HHAT: variants seen among roughly 807,000 people sequenced by gnomAD.
HHAT encodes protein-cysteine N-palmitoyltransferase HHAT.
Under a neutral mutation model 70.8 loss-of-function variants are expected in HHAT, and 47 were observed. The ratio of observed to expected loss-of-function variants is 0.66; its 90% CI spans 0.53 to 0.85. The LOEUF (loss-of-function observed/expected upper bound fraction) is 0.85. HHAT is among the 40% of genes least tolerant of loss of function. The probability of loss-of-function intolerance (pLI) is 0.00; values close to 1 mark genes in which losing one functional copy is unlikely to be tolerated. For synonymous variants in HHAT, 228 were observed against 247.6 expected, an observed-to-expected ratio of 0.92 and a Z score of 0.74; for missense variants, 609 against 604.8, an observed-to-expected ratio of 1.01 and a Z score of -0.07.
intron 4 of HHAT, among the ~76,000 whole-genome samples, chr1:210,395,818 C>T (rs2091750681): frequency 6.6e-6 from 1 of 152,062 alleles, no homozygotes; most frequent in Non-Finnish European, 1.5e-5. Context: ...AGGTTAAATC[C>T]CAAGACTTGG....
At chr1:210,438,051 CA>C (rs2093420589) in intron 7 of HHAT, among the ~76,000 whole-genome samples, 1 of 151,850 alleles carries the variant, frequency 6.6e-6, no homozygotes, top group Non-Finnish European at 1.5e-5. Context: ...CCTCCTCTAC[CA>C]AGTCCTCTTG....
At chr1:210,426,058 C>T (rs2093052375) in intron 7 of HHAT, among the ~76,000 whole-genome samples, 2 of 152,182 alleles carry the variant, frequency 1.3e-5, no homozygotes, top group Admixed American at 6.5e-5. Context: ...CTATCTTTCA[C>T]TTCCCTAGTT....
chr1:210,673,039 C>T (rs561559596), intron 11 of HHAT, among the ~76,000 whole-genome samples: 2 of 152,178 alleles, frequency 1.3e-5, no homozygotes, highest in Non-Finnish European at 2.9e-5. Context: ...GACTTCCTAG[C>T]TAGCCATATT....
chr1:210,597,900 T>G (rs1020692233), intron 10 of HHAT, among the ~76,000 whole-genome samples: 1 of 150,900 alleles, frequency 6.6e-6, no homozygotes, highest in South Asian at 2.1e-4. Context: ...CAGAAGGAGT[T>G]CCCCATAGCT....
chr1:210,620,733 G>A (rs1352631419), intron 10 of HHAT, among the ~76,000 whole-genome samples: 1 of 151,962 alleles, frequency 6.6e-6, no homozygotes, highest in East Asian at 1.9e-4. Flanking sequence ...AACAGGCTGT[G>A]CTTTAACATT....
chr1:210,411,740 T>C (rs961628425), intron 6 of HHAT, among the ~76,000 whole-genome samples: 1 of 152,152 alleles, frequency 6.6e-6, no homozygotes, highest in Non-Finnish European at 1.5e-5. Flanking sequence ...AGTGACACCC[T>C]GTGTCATAAA....
chr1:210,455,727 C>T (rs2093851527), intron 7 of HHAT, among the ~76,000 whole-genome samples: 2 of 152,066 alleles, frequency 1.3e-5, no homozygotes, highest in African/African-American at 4.8e-5. Context: ...CTGGTTTCTC[C>T]ATCCTTAGTT....
chr1:210,581,263 T>A (rs983913956), intron 9 of HHAT, among the ~76,000 whole-genome samples: 20 of 152,234 alleles, frequency 1.3e-4, no homozygotes, highest in African/African-American at 4.8e-4. Context: ...AAACTTTTTA[T>A]AAGTAGATAT....
At chr1:210,538,842 C>T (rs760003605) in intron 9 of HHAT, among the ~76,000 whole-genome samples, 6 of 152,096 alleles carry the variant, frequency 3.9e-5, no homozygotes, top group Admixed American at 6.5e-5. Flanking sequence ...TTTGGGAGGC[C>T]GAGGCAGGTG....
At chr1:210,660,802 CAA>C (rs1007631539) in intron 11 of HHAT, among the ~76,000 whole-genome samples, 1 of 152,110 alleles carries the variant, frequency 6.6e-6, no homozygotes, top group African/African-American at 2.4e-5. Context: ...CCGACAAAAA[CAA>C]GATATAGGGA....
intron 8 of HHAT, among the ~76,000 whole-genome samples, chr1:210,512,794 C>A (rs1192576982): frequency 1.3e-5 from 2 of 151,760 alleles, no homozygotes; most frequent in Non-Finnish European, 2.9e-5. Context: ...GTGGAAGGTA[C>A]CTGGGAGATC....
At chr1:210,668,371 A>G (rs940976945) in intron 11 of HHAT, among the ~76,000 whole-genome samples, 1 of 152,078 alleles carries the variant, frequency 6.6e-6, no homozygotes, top group African/African-American at 2.4e-5. Flanking sequence ...TAGCTCCTCA[A>G]TCCCCATGGT....
chr1:210,396,429 A>G (rs1232453079), intron 4 of HHAT, among the ~76,000 whole-genome samples: 1 of 152,260 alleles, frequency 6.6e-6, no homozygotes, highest in Admixed American at 6.5e-5. Flanking sequence ...GATAGAACAT[A>G]GTAACAGCAC....
At chr1:210,553,580 G>T (rs2095546447) in intron 9 of HHAT, among the ~76,000 whole-genome samples, 1 of 152,214 alleles carries the variant, frequency 6.6e-6, no homozygotes, top group African/African-American at 2.4e-5. Flanking sequence ...CCTCCTGAAG[G>T]TTTCAACCCT....
chr1:210,387,728 T>G, intron 4 of HHAT, 147 bp downstream of exon 4: 1 of 624,516 alleles, frequency 1.6e-6, no homozygotes, highest in Non-Finnish European at 2.8e-6. Flanking sequence ...AATATAACAT[T>G]TAAGATAAAA....
intron 9 of HHAT, among the ~76,000 whole-genome samples, chr1:210,522,884 C>T (rs889036656): frequency 6.6e-6 from 1 of 152,054 alleles, no homozygotes; most frequent in African/African-American, 2.4e-5. Context: ...ACCTTGACTA[C>T]TTATCTGTAA....
intron 11 of HHAT, among the ~76,000 whole-genome samples, chr1:210,656,899 G>T (rs1383942594): frequency 1.3e-5 from 2 of 152,204 alleles, no homozygotes; most frequent in African/African-American, 4.8e-5. Flanking sequence ...GGGGCTGGCT[G>T]CTGGGGTAGA....
intron 7 of HHAT, among the ~76,000 whole-genome samples, chr1:210,429,771 C>CA (rs2093189029): frequency 1.3e-5 from 2 of 151,782 alleles, no homozygotes; most frequent in East Asian, 1.9e-4. Context: ...TTGCAATTAG[C>CA]AAGCAACATG....
chr1:210,544,899 C>A (rs190439700), intron 9 of HHAT, among the ~76,000 whole-genome samples: 12 of 152,232 alleles, frequency 7.9e-5, no homozygotes, highest in Admixed American at 5.2e-4. Context: ...TTCGTCCTCA[C>A]CCCTAAATTC....
Sources: gnomAD v4.1 joint callset for allele counts (sites outside exome capture counted in the v4.1 genomes callset) on GRCh38, gnomAD v4.1.1 for gene constraint, MANE v1.5 for transcripts, NCBI Gene and HGNC (gene_info 2026-07-23, HGNC 2026-07-21) for gene names.